Variants in GPM6A observed in about 807,000 individuals in gnomAD.
GPM6A encodes the protein glycoprotein M6A, also known as neuronal membrane glycoprotein M6-a.
A neutral mutation model predicts 32.1 loss-of-function variants in GPM6A; 7 were observed. The ratio of observed to expected loss-of-function variants is 0.22; its 90% CI spans 0.12 to 0.41. The LOEUF (loss-of-function observed/expected upper bound fraction) is 0.41, where lower values mean the gene tolerates loss of function less well. Ranked by LOEUF, GPM6A falls within the 10% of genes least tolerant of loss-of-function variation. GPM6A has a pLI of 1.00. For synonymous variants in GPM6A, 130 were observed against 123.4 expected (o/e 1.05, Z -0.35); for missense variants, 235 against 347.2 (o/e 0.68, Z 2.57).
chr4:175,925,998 C>T (rs999336618), intron 1 of GPM6A, among the ~76,000 whole-genome samples: 2 of 151,906 alleles, frequency 1.3e-5, no homozygotes, highest in South Asian at 2.1e-4. Flanking sequence ...ATTAAAGGTG[C>T]CTGCCACCAC....
At chr4:175,951,709 TA>T (rs1739818667) in intron 1 of GPM6A, among the ~76,000 whole-genome samples, 1 of 152,270 alleles carries the variant, frequency 6.6e-6, no homozygotes, top group Admixed American at 6.5e-5. Context: ...TATAGCTTTA[TA>T]CAAGTCAAGG....
chr4:175,827,549 T>C (rs1735477177), intron 1 of GPM6A, among the ~76,000 whole-genome samples: 1 of 152,234 alleles, frequency 6.6e-6, no homozygotes, highest in Non-Finnish European at 1.5e-5. Flanking sequence ...ACACTGCTTC[T>C]ATGAAGCAGG....
chr4:175,669,696 T>C (rs34216541), intron 3 of GPM6A, among the ~76,000 whole-genome samples: 21,332 of 152,180 alleles, frequency 0.14, 2,054 homozygotes, highest in Non-Finnish European at 0.2. Flanking sequence ...ATGAGTTGAA[T>C]TGTGTCCTCA....
chr4:175,907,204 T>A (rs2111500783), intron 1 of GPM6A: 1 of 152,372 alleles, frequency 6.6e-6, no homozygotes, highest in East Asian at 1.9e-4. Flanking sequence ...CTACATGCCA[T>A]TCTTCCACCT....
At chr4:175,893,894 AAATT>A (rs1167952403) in intron 1 of GPM6A, among the ~76,000 whole-genome samples, 5 of 152,174 alleles carry the variant, frequency 3.3e-5, no homozygotes, top group African/African-American at 1.2e-4. Flanking sequence ...AAAGCGATAT[AAATT>A]AATTAACAAA....
intron 1 of GPM6A, among the ~76,000 whole-genome samples, chr4:175,871,136 A>G (rs1362343235): frequency 1.3e-5 from 2 of 151,880 alleles, no homozygotes; most frequent in Non-Finnish European, 2.9e-5. Context: ...TACCTTGAGC[A>G]AACAGTTCGA....
chr4:175,637,809 T>C (rs1045915747), intron 6 of GPM6A, among the ~76,000 whole-genome samples: 1 of 112,790 alleles, frequency 8.9e-6, no homozygotes, highest in Admixed American at 1.3e-4. Context: ...ATATATAATC[T>C]ATTTATATAT....
At chr4:175,680,327 A>G (rs1579377140) in intron 2 of GPM6A, among the ~76,000 whole-genome samples, 2 of 152,312 alleles carry the variant, frequency 1.3e-5, no homozygotes, top group East Asian at 1.9e-4. Context: ...CTGACTCCCA[A>G]GAATATTAAC....
intron 1 of GPM6A, among the ~76,000 whole-genome samples, chr4:175,964,275 CTA>C (rs1740265422): frequency 7.0e-6 from 1 of 142,542 alleles, no homozygotes; most frequent in East Asian, 2.1e-4. Context: ...ACACCAAACT[CTA>C]TGTTGTCCAA....
At chr4:175,754,416 A>C (rs1229632848) in intron 1 of GPM6A, among the ~76,000 whole-genome samples, 1 of 152,188 alleles carries the variant, frequency 6.6e-6, no homozygotes, top group African/African-American at 2.4e-5. Flanking sequence ...AAAAGATAAA[A>C]GAACATCTAA....
chr4:175,970,374 A>T (rs1740464014), intron 1 of GPM6A, among the ~76,000 whole-genome samples: 1 of 152,204 alleles, frequency 6.6e-6, no homozygotes. Context: ...GTGAACTTCC[A>T]TGGAAAAGAA....
chr4:175,775,686 A>G (rs1414425524), intron 1 of GPM6A, among the ~76,000 whole-genome samples: 1 of 152,172 alleles, frequency 6.6e-6, no homozygotes, highest in African/African-American at 2.4e-5. Context: ...AACCATTAAA[A>G]GGAAGAAATC....
chr4:175,900,332 GGAAAGGAAAGGAAAGGAAAA>G (rs1560985743), intron 1 of GPM6A, among the ~76,000 whole-genome samples: 15 of 50,460 alleles, frequency 3.0e-4, no homozygotes, highest in South Asian at 4.8e-4. Flanking sequence ...GGAAAGGAAA[GGAAAGGAAAGGAAAGGAAAA>G]GAAAGGAAAG....
chr4:175,946,363 T>C (rs1379531145), intron 1 of GPM6A, among the ~76,000 whole-genome samples: 1 of 152,196 alleles, frequency 6.6e-6, no homozygotes, highest in Non-Finnish European at 1.5e-5. Flanking sequence ...ACCTGCCTTG[T>C]GTGAAGCACT....
At chr4:175,869,263 T>C (rs1206824197) in intron 1 of GPM6A, among the ~76,000 whole-genome samples, 1 of 152,170 alleles carries the variant, frequency 6.6e-6, no homozygotes, top group Non-Finnish European at 1.5e-5. Context: ...TTTATACAGA[T>C]TATATGAAAT....
chr4:175,841,802 G>T (rs550595060), intron 1 of GPM6A, among the ~76,000 whole-genome samples: 2 of 152,206 alleles, frequency 1.3e-5, no homozygotes, highest in Non-Finnish European at 2.9e-5. Flanking sequence ...ATCATGAAGA[G>T]ATTTAACATC....
chr4:175,829,907 T>A (rs1735557085), intron 1 of GPM6A, among the ~76,000 whole-genome samples: 1 of 151,992 alleles, frequency 6.6e-6, no homozygotes. Flanking sequence ...CATATTAATC[T>A]CAGATTTGGA....
chr4:175,872,678 A>G (rs930290528), intron 1 of GPM6A: 3 of 152,212 alleles, frequency 2.0e-5, no homozygotes, highest in Admixed American at 1.3e-4. Flanking sequence ...AGTTTCTCCA[A>G]TGCCAGCCTA....
intron 1 of GPM6A, among the ~76,000 whole-genome samples, chr4:175,909,381 G>A (rs1002979595): frequency 5.3e-5 from 8 of 152,074 alleles, no homozygotes; most frequent in South Asian, 4.1e-4. Flanking sequence ...TAATCATCCC[G>A]ATAATCTAGG....
Sources: allele counts gnomAD v4.1 joint callset (sites outside exome capture counted in the v4.1 genomes callset), GRCh38; gene constraint gnomAD v4.1.1; transcripts MANE v1.5; gene names NCBI Gene and HGNC (gene_info 2026-07-23, HGNC 2026-07-21).